Variants in VWA5B1 observed in about 807,000 individuals in gnomAD.
The protein encoded by VWA5B1 is von Willebrand factor A domain-containing protein 5B1.
A neutral mutation model predicts 118.2 loss-of-function variants in VWA5B1; 115 were observed. That is an observed-to-expected ratio of 0.97 (90% confidence interval 0.84 to 1.14). The LOEUF is 1.14. Among genes scored for constraint, VWA5B1 ranks in the 50% most tolerant of loss-of-function variants. The probability of loss-of-function intolerance (pLI) is 0.00; values close to 1 mark genes in which losing one functional copy is unlikely to be tolerated. For synonymous variants in VWA5B1, 682 were observed against 658.4 expected, an observed-to-expected ratio of 1.04 and a Z score of -0.55; for missense variants, 1,596 against 1,603.8, an observed-to-expected ratio of 1.00 and a Z score of 0.08.
At chr1:20,314,185 A>G (rs940151001) in intron 3 of VWA5B1, 137 bp from the exon 4 acceptor site, 1 of 892,152 alleles carries the variant, frequency 1.1e-6, no homozygotes, top group Admixed American at 2.5e-5. Context: ...TGGCTTACTT[A>G]TTCACAAGTC....
rs975217373 is a variant in VWA5B1, at chr1:20,354,873, G to A, written c.*610G>A. On this transcript the variant is annotated 3_prime_UTR_variant, in exon 22 of 22. Transcript: ENST00000289815. ...ATCCTTCTCAACGCTTTACAAAAGAGTAGTTTGGGGGCCTTTTGTTTTGGC... is the reference window on the plus strand; with the variant it reads ...ATCCTTCTCAACGCTTTACAAAAGAATAGTTTGGGGGCCTTTTGTTTTGGC... 1.3e-5 allele frequency: 2 copies of A among 152,464 alleles called. No homozygotes were observed. The highest frequency in any genetic ancestry group is 2.4e-5 in the African/African-American group (1 of 41,444). 9.4% of individuals were successfully genotyped at this position (152,464 alleles called of 1,614,324 possible).
intron 1 of VWA5B1, among the ~76,000 whole-genome samples, chr1:20,293,281 C>A (rs1295775047): frequency 1.1e-5 from 1 of 90,080 alleles, no homozygotes; most frequent in Non-Finnish European, 2.1e-5. Flanking sequence ...TGCTCCGAGC[C>A]AGCACCTTCA....
chr1:20,321,406 G>A (rs1278130204), intron 7 of VWA5B1, among the ~76,000 whole-genome samples: 5 of 152,138 alleles, frequency 3.3e-5, no homozygotes, highest in Admixed American at 6.5e-5. Flanking sequence ...CCAACATGGC[G>A]AAACCCCGTC....
intron 4 of VWA5B1, among the ~76,000 whole-genome samples, chr1:20,315,768 G>A (rs185207568): frequency 1.0e-3 from 156 of 152,342 alleles, no homozygotes; most frequent in Non-Finnish European, 2.0e-3. Context: ...TCAGATGGGT[G>A]GTGACAAGGG....
In VWA5B1 at chr1:20,332,793, GC is replaced by G; in HGVS notation, c.1604del (p.Pro535GlnfsTer3). ...GGTCAAATCCTTGAAGAAGGCCATG[GC>G]CCCAGTCCTGAGCGATGTGACTGTG... ...KMVKSLKKAM[A>X]PVLSDVTVEW... On this transcript the variant is annotated frameshift_variant, in exon 12 of 22. Transcript: ENST00000289815. LOFTEE classifies it high-confidence loss of function. 6.4e-7 allele frequency: 1 copy of G among 1,551,718 alleles called. No homozygotes were observed. Among genetic ancestry groups the G allele is most frequent in the Non-Finnish European group, 8.7e-7 (1 of 1,146,998 alleles).
In VWA5B1 at chr1:20,323,231, C is replaced by T. The variant is rs558492837; in HGVS notation, c.967-125C>T. ...ACAGAAGAGCTGAGCACAGTCAGCC[C>T]GGAAGTCTTCCATGCAGAGCCTGAG... On this transcript the variant is annotated intron_variant, in intron 7 of 21. Transcript: ENST00000289815. The T allele has an allele frequency of 1.8e-4, 163 of 929,690 alleles. 2 individuals are homozygous for T. In the South Asian group the frequency reaches 4.6e-3, roughly 26 times the overall value. The allele number at this position is 929,690 out of a possible 1,614,324, so 57.6% of individuals were successfully genotyped here.
At chr1:20,340,312 A>G (rs1201353774) in intron 14 of VWA5B1, among the ~76,000 whole-genome samples, 1 of 152,138 alleles carries the variant, frequency 6.6e-6, no homozygotes, top group African/African-American at 2.4e-5. Flanking sequence ...TCTGTGACCC[A>G]GTGTAGTGTT....
In VWA5B1 at chr1:20,318,727, G is replaced by A. The variant is rs1198556113; in HGVS notation, c.841+6G>A. On this transcript the variant is annotated splice_donor_region_variant and intron_variant, in intron 6 of 21. Coordinates refer to ENST00000289815, the MANE Select transcript of VWA5B1 (RefSeq NM_001039500.3). ...GATCCTCATCCACCCCAGCGGTACG[G>A]TGCCCCACAACGGGCCCCTGGGCTG... 2.0e-6 allele frequency: 3 copies of A among 1,481,084 alleles called. No homozygotes were observed. Among genetic ancestry groups the A allele is most frequent in the South Asian group, 2.8e-5 (2 of 71,962 alleles). The allele number at this position is 1,481,084 out of a possible 1,614,324, so 91.7% of individuals were successfully genotyped here.
chr1:20,355,758 A>G lies in VWA5B1; in HGVS notation c.*1495A>G, dbSNP rs1343260185. Among the ~76,000 whole-genome samples, 2 of 152,220 alleles carry G rather than the reference A, an allele frequency of 1.3e-5. No individual in the cohort carries two copies. Among genetic ancestry groups the G allele is most frequent in the Non-Finnish European group, 2.9e-5 (2 of 68,024 alleles). On this transcript the variant is annotated 3_prime_UTR_variant, in exon 22 of 22. Coordinates refer to ENST00000289815, the MANE Select transcript of VWA5B1 (RefSeq NM_001039500.3). ...TCCAGCAGAACGCCCACTGGGCACA[A>G]GGGGAGAAAAAGCAGCCCCAACATG...
chr1:20,295,869 G>C, intron 1 of VWA5B1, among the ~76,000 whole-genome samples: 1 of 152,140 alleles, frequency 6.6e-6, no homozygotes, highest in East Asian at 1.9e-4. Context: ...GTTGTAGGTT[G>C]TTTGGTTTGT....
chr1:20,355,555 T>C lies in VWA5B1; in HGVS notation c.*1292T>C, dbSNP rs1352947946. Among the ~76,000 whole-genome samples the C allele has an allele frequency of 6.6e-6, 1 of 152,204 alleles. No homozygotes were observed. Among genetic ancestry groups the C allele is most frequent in the African/African-American group, 2.4e-5 (1 of 41,460 alleles). On this transcript the variant is annotated 3_prime_UTR_variant, in exon 22 of 22. Transcript: ENST00000289815. ...CCTTCAAGGCCTTAATCTCTCCTCATCAAATTCCTGTCCCAACCTTGGAGT... is the reference window on the plus strand; with the variant it reads ...CCTTCAAGGCCTTAATCTCTCCTCACCAAATTCCTGTCCCAACCTTGGAGT...
At chr1:20,317,396 G>A in intron 4 of VWA5B1, 134 bp from the exon 5 acceptor site, 1 of 1,202,906 alleles carries the variant, frequency 8.3e-7, no homozygotes, top group East Asian at 2.7e-5. Flanking sequence ...CAGGTTGAGT[G>A]GGAGAGCACG....
At chr1:20,317,481 C>A in intron 4 of VWA5B1, 49 bp from the exon 5 acceptor site, 1 of 1,541,740 alleles carries the variant, frequency 6.5e-7, no homozygotes, top group South Asian at 1.2e-5. Context: ...CGCTGGACCC[C>A]TTCTTCCACC....
chr1:20,339,928 T>C (rs1340649167), intron 14 of VWA5B1, among the ~76,000 whole-genome samples: 1 of 152,218 alleles, frequency 6.6e-6, no homozygotes, highest in Admixed American at 6.5e-5. Flanking sequence ...AAGATATTTA[T>C]TGAGAGCCAA....
In VWA5B1 at chr1:20,330,931, T is replaced by G; in HGVS notation, c.1520T>G (p.Val507Gly). ...AGACTGGTGAAAGGACTGGCATCTG[T>G]GTCCGAGGGCAGTGCTGAGCTCCTG... is the stretch of plus-strand genomic sequence containing the variant. ...CHRLVKGLAS[V>G]SEGSAELLME... The change falls in exon 11 of 22, where the codon GTG becomes GGG. Residue 507 changes from valine (V) to glycine (G), a missense_variant. Coordinates refer to ENST00000289815, the MANE Select transcript of VWA5B1 (RefSeq NM_001039500.3). The G allele has an allele frequency of 6.4e-7, 1 of 1,551,676 alleles. No homozygotes were observed. Among genetic ancestry groups the G allele is most frequent in the Non-Finnish European group, 8.7e-7 (1 of 1,146,980 alleles).
In VWA5B1 at chr1:20,312,992, A is replaced by G. The variant is rs1372693092; in HGVS notation, c.292+4A>G. On this transcript the variant is annotated splice_donor_region_variant and intron_variant, in intron 3 of 21. Coordinates refer to ENST00000289815, the MANE Select transcript of VWA5B1 (RefSeq NM_001039500.3). ...GTTCGATCCCCAACAGTCACAGGTA[A>G]GGAGACCAGAAGGGCTGCCGCGGGA... 1 of 1,551,130 alleles carries G rather than the reference A, an allele frequency of 6.4e-7. No individual in the cohort carries two copies. Among genetic ancestry groups the G allele is most frequent in the Non-Finnish European group, 8.7e-7 (1 of 1,146,772 alleles).
intron 6 of VWA5B1, 145 bp from the exon 7 acceptor site, chr1:20,319,237 A>T: frequency 8.1e-7 from 1 of 1,242,212 alleles, no homozygotes; most frequent in Non-Finnish European, 1.1e-6. Flanking sequence ...CCCTAGCCCT[A>T]CACTGCTTCA....
chr1:20,342,393 G>C (rs572534027), intron 14 of VWA5B1, 39 bp from the exon 15 acceptor site: 8 of 1,538,196 alleles, frequency 5.2e-6, no homozygotes, highest in South Asian at 4.8e-5. Context: ...CCTCCTCCTC[G>C]TCCTCCTCCT....
Position 20,351,519 on chromosome 1 carries a change from G to A in VWA5B1, c.3024-536G>A, listed in dbSNP as rs1325244140. Among the ~76,000 whole-genome samples the A allele has an allele frequency of 2.6e-5, 4 of 152,262 alleles. No individual in the cohort carries two copies. The South Asian group carries it at 6.2e-4, about 24-fold the overall frequency. On this transcript the variant is annotated intron_variant, in intron 20 of 21. Transcript: ENST00000289815. Reference sequence around the variant, plus strand: ...ATGCAAAAATTAGCCAGGCATGGTCGCATGTGCCTGTAGTCCCACCTACTA... The same window carrying A: ...ATGCAAAAATTAGCCAGGCATGGTCACATGTGCCTGTAGTCCCACCTACTA...
Sources: gnomAD v4.1 joint callset for allele counts (sites outside exome capture counted in the v4.1 genomes callset) on GRCh38, gnomAD v4.1.1 for gene constraint, MANE v1.5 for transcripts, NCBI Gene and HGNC (gene_info 2026-07-23, HGNC 2026-07-21) for gene names.